The following ABI3BP variants were observed in gnomAD, a reference collection of about 807,000 sequenced individuals.
ABI3BP encodes ABI family member 3 binding protein, also known as target of Nesh-SH3.
A neutral mutation model predicts 268.6 loss-of-function variants in ABI3BP; 216 were observed. The observed-to-expected ratio is 0.80, with a 90% CI of 0.72 to 0.90. The LOEUF (loss-of-function observed/expected upper bound fraction) is 0.90, where lower values mean the gene tolerates loss of function less well. Ranked by LOEUF, ABI3BP falls within the 40% of genes least tolerant of loss-of-function variation. The probability of loss-of-function intolerance (pLI) is 0.00; values close to 1 mark genes in which losing one functional copy is unlikely to be tolerated. For missense variants in ABI3BP, 2,090 were observed against 2,182.4 expected, an observed-to-expected ratio of 0.96 and a Z score of 0.84; for synonymous variants, 730 against 730.0, an observed-to-expected ratio of 1.00 and a Z score of 0.00.
At chr3:100,816,088 A>T in intron 43 of ABI3BP, 117 bp from the exon 44 acceptor site, 1 of 745,504 alleles carries the variant, frequency 1.3e-6, no homozygotes, top group Non-Finnish European at 2.1e-6. Flanking sequence ...AAACTTTTGA[A>T]TTGATAGGCA....
At chr3:100,928,783 A>G (rs928610129) in intron 1 of ABI3BP, among the ~76,000 whole-genome samples, 1 of 151,980 alleles carries the variant, frequency 6.6e-6, no homozygotes, top group African/African-American at 2.4e-5. Flanking sequence ...TCAAAACTAG[A>G]TCTTGGGCTC....
intron 9 of ABI3BP, among the ~76,000 whole-genome samples, chr3:100,867,827 CTT>C (rs2099069585): frequency 6.6e-6 from 1 of 151,566 alleles, no homozygotes; most frequent in African/African-American, 2.4e-5. Context: ...TAGATCTTCT[CTT>C]TTAATCTCTG....
At chr3:100,964,675 AG>A (rs2080586467) in intron 1 of ABI3BP, among the ~76,000 whole-genome samples, 2 of 152,318 alleles carry the variant, frequency 1.3e-5, no homozygotes, top group Non-Finnish European at 2.9e-5. Flanking sequence ...TCTTCACTTC[AG>A]TATTTCTAAT....
intron 49 of ABI3BP, among the ~76,000 whole-genome samples, chr3:100,809,971 C>A (rs1461657006): frequency 6.6e-6 from 1 of 152,012 alleles, no homozygotes; most frequent in Non-Finnish European, 1.5e-5. Context: ...AGGTGACTGG[C>A]CAGTACACCC....
chr3:100,843,542 TGAGAGAGA>T lies in ABI3BP; in HGVS notation c.1724-1511_1724-1504del, dbSNP rs35241411. The stretch of plus-strand genomic sequence containing the variant: ...GGATGTGTGTGTGTGTGTGTGTGTG[TGAGAGAGA>T]GAGAGAGAGAGAGAGAGGGAAGGGG... On this transcript the variant is annotated intron_variant, in intron 20 of 67. Transcript: ENST00000471714. 2,021 of 854,190 alleles carry T rather than the reference TGAGAGAGA, an allele frequency of 2.4e-3. 25 individuals carry two copies. In the African/African-American group the frequency reaches 0.036, roughly 15 times the overall value. The allele number at this position is 854,190 out of a possible 1,614,324, so 52.9% of individuals were successfully genotyped here.
At chr3:100,833,957 A>C (rs898344679) in intron 29 of ABI3BP, among the ~76,000 whole-genome samples, 1 of 152,056 alleles carries the variant, frequency 6.6e-6, no homozygotes, top group African/African-American at 2.4e-5. Flanking sequence ...TCCACCAATA[A>C]ATCTACAGGC....
intron 3 of ABI3BP, among the ~76,000 whole-genome samples, chr3:100,899,813 C>T (rs2049370512): frequency 2.6e-5 from 4 of 152,140 alleles, no homozygotes; most frequent in Non-Finnish European, 5.9e-5. Flanking sequence ...TCTTTTATTT[C>T]TTGAGACTAT....
chr3:100,896,534 T>C (rs1478505445), intron 4 of ABI3BP, among the ~76,000 whole-genome samples: 1 of 152,204 alleles, frequency 6.6e-6, no homozygotes, highest in Non-Finnish European at 1.5e-5. Context: ...CAAGTAGTCC[T>C]ACAGATTCAT....
chr3:100,790,344 C>A (rs542813704), intron 55 of ABI3BP, among the ~76,000 whole-genome samples: 1 of 152,154 alleles, frequency 6.6e-6, no homozygotes, highest in African/African-American at 2.4e-5. Context: ...TTCCCTATCA[C>A]ATACTGCCTC....
chr3:100,764,700 A>G (rs1559890386), intron 63 of ABI3BP, among the ~76,000 whole-genome samples: 1 of 152,226 alleles, frequency 6.6e-6, no homozygotes, highest in Non-Finnish European at 1.5e-5. Flanking sequence ...AAAAAGTCCA[A>G]ATTAAGTGAC....
At chr3:100,920,504 A>G (rs2059908479) in intron 2 of ABI3BP, among the ~76,000 whole-genome samples, 1 of 151,528 alleles carries the variant, frequency 6.6e-6, no homozygotes, top group Admixed American at 6.6e-5. Flanking sequence ...GCTCACTGCA[A>G]CCTCCCCCTC....
intron 36 of ABI3BP, among the ~76,000 whole-genome samples, chr3:100,824,598 T>C (rs1422674585): frequency 2.6e-5 from 4 of 152,180 alleles, no homozygotes. Context: ...TGAATGGAAT[T>C]TGACAGTAAG....
chr3:100,972,499 G>A (rs1301400339), intron 1 of ABI3BP, among the ~76,000 whole-genome samples: 1 of 152,144 alleles, frequency 6.6e-6, no homozygotes, highest in Non-Finnish European at 1.5e-5. Flanking sequence ...TGCCACTTAA[G>A]GCTCTCATCA....
At chr3:100,898,133 G>A (rs1044946088) in intron 4 of ABI3BP, among the ~76,000 whole-genome samples, 1 of 152,162 alleles carries the variant, frequency 6.6e-6, no homozygotes, top group Non-Finnish European at 1.5e-5. Context: ...AAAGAAAATG[G>A]TAGCTTCATT....
intron 1 of ABI3BP, among the ~76,000 whole-genome samples, chr3:100,942,016 C>T (rs889217760): frequency 6.6e-6 from 1 of 152,034 alleles, no homozygotes; most frequent in Non-Finnish European, 1.5e-5. Context: ...GGGACAGTGA[C>T]ATGGTTAACT....
At chr3:100,907,286 G>T (rs1378784878) in intron 2 of ABI3BP, among the ~76,000 whole-genome samples, 1 of 152,192 alleles carries the variant, frequency 6.6e-6, no homozygotes, top group East Asian at 1.9e-4. Flanking sequence ...TTGAGCTCAG[G>T]AGTTTGAGAC....
At chr3:100,980,587 G>A (rs184703248) in intron 1 of ABI3BP, among the ~76,000 whole-genome samples, 7 of 152,294 alleles carry the variant, frequency 4.6e-5, no homozygotes, top group South Asian at 2.1e-4. Context: ...GAGAAGACAC[G>A]CAAGTGGGAA....
In ABI3BP at chr3:100,821,090, C is replaced by T; in HGVS notation, c.2911G>A (p.Val971Ile). 6.5e-7 allele frequency: 1 copy of T among 1,535,948 alleles called. No homozygotes were observed. Among genetic ancestry groups the T allele is most frequent in the South Asian group, 1.2e-5 (1 of 84,056 alleles). Residue 971 changes from valine to isoleucine, a missense_variant, in exon 39 of 68, where the codon GTT (valine) becomes ATT (isoleucine). By Grantham distance (29) the Val-to-Ile change is conservative (BLOSUM62 3). Transcript: ENST00000471714. ...KPVPTAELKP[V>I]TLRTETWVTT... is the part of the protein sequence containing the mutation. ...ACCCAAGTCTCAGTTCTGAGTGTAA[C>T]AGGTTTGAGCTCCGCAGTAGGAACT... is the stretch of plus-strand genomic sequence containing the variant.
Position 100,839,600 on chromosome 3 carries a change from C to T in ABI3BP, c.1914G>A (p.Thr638=), listed in dbSNP as rs983302823. 35 of 1,535,780 alleles carry T rather than the reference C, an allele frequency of 2.3e-5. No homozygotes were observed. The Admixed American group carries it at 5.1e-4, about 22-fold the overall frequency. Residue 638 remains threonine (T), a synonymous_variant, in exon 24 of 68, where the codon ACG becomes ACA. Coordinates refer to ENST00000471714, the MANE Select transcript of ABI3BP (RefSeq NM_001375547.2). ...TGGGCACCAAGGGCTCCGGTTGTAT[C>T]GTGGCAGGTTCCAGAGCTACAGAAG... The part of the protein sequence containing the change: ...PKSKPALEPA[T]IQPEPLVPTT...
Sources: allele counts gnomAD v4.1 joint callset (sites outside exome capture counted in the v4.1 genomes callset), GRCh38; gene constraint gnomAD v4.1.1; transcripts MANE v1.5; gene names NCBI Gene and HGNC (gene_info 2026-07-23, HGNC 2026-07-21).